Variants in JDP2 observed in about 807,000 individuals in gnomAD.
JDP2 encodes progesterone receptor co-activator.
In JDP2, 9 loss-of-function variants were observed where a neutral mutation model predicts 17.1. The observed-to-expected ratio is 0.53, with a 90% CI of 0.32 to 0.92. The LOEUF (loss-of-function observed/expected upper bound fraction) is 0.92, where lower values mean the gene tolerates loss of function less well. Among genes scored for constraint, JDP2 ranks in the 40% least tolerant of loss-of-function variants. The pLI, the probability that JDP2 is intolerant of heterozygous loss-of-function variation, is 0.04. For missense variants in JDP2, 179 were observed against 220.0 expected (o/e 0.81, Z 1.18); for synonymous variants, 107 against 95.6 (o/e 1.12, Z -0.69).
At chr14:75,432,668 C>T (rs570343843) in intron 1 of JDP2, among the ~76,000 whole-genome samples, 13 of 152,306 alleles carry the variant, frequency 8.5e-5, no homozygotes, top group South Asian at 8.3e-4. Flanking sequence ...GCTGCTGGCC[C>T]GGAGGGGAGC....
intron 3 of JDP2, among the ~76,000 whole-genome samples, chr14:75,468,508 A>T (rs931226200): frequency 6.6e-6 from 1 of 152,180 alleles, no homozygotes; most frequent in African/African-American, 2.4e-5. Context: ...CCCATCTCCC[A>T]TCTACACGAT....
chr14:75,457,909 C>T (rs190109230), intron 2 of JDP2, among the ~76,000 whole-genome samples: 5 of 152,356 alleles, frequency 3.3e-5, no homozygotes, highest in South Asian at 2.1e-4. Context: ...CAGATGCAAA[C>T]GGGTGATAAG....
At chr14:75,465,392 C>T (rs551582539) in intron 3 of JDP2, among the ~76,000 whole-genome samples, 2 of 152,306 alleles carry the variant, frequency 1.3e-5, no homozygotes, top group Non-Finnish European at 2.9e-5. Context: ...AGTGCAGTAG[C>T]ATAGTCATAG....
intron 3 of JDP2, among the ~76,000 whole-genome samples, chr14:75,464,168 G>T (rs191861813): frequency 6.6e-5 from 10 of 152,322 alleles, no homozygotes; most frequent in Non-Finnish European, 1.2e-4. Flanking sequence ...GAAGTTTAGG[G>T]CATGAATGCA....
rs2140025777 is a variant in JDP2, at chr14:75,428,748, C to T, written c.-24+496C>T. 1 of 152,458 alleles carries T rather than the reference C, an allele frequency of 6.6e-6. No homozygotes were observed. Among genetic ancestry groups the T allele is most frequent in the African/African-American group, 2.4e-5 (1 of 41,560 alleles). 9.4% of individuals were successfully genotyped at this position (152,458 alleles called of 1,614,324 possible). On this transcript the variant is annotated intron_variant, in intron 1 of 3. Coordinates refer to ENST00000651602, the MANE Select transcript of JDP2 (RefSeq NM_001135048.2). This position sits in a 1 kb window ranked among gnomAD's most constrained non-coding sequence, Gnocchi z 5.6. ...CTCCTGGCAGTGAGGAAGCGCGACT[C>T]CCGGAGGACCCGGACCCGGAGGAGA...
intron 2 of JDP2, among the ~76,000 whole-genome samples, chr14:75,453,078 T>C (rs1885939668): frequency 6.6e-6 from 1 of 151,030 alleles, no homozygotes; most frequent in Non-Finnish European, 1.5e-5. Context: ...GTTTCCTCAT[T>C]CCTCCCTCCT....
intron 2 of JDP2, among the ~76,000 whole-genome samples, chr14:75,454,973 C>T (rs1594966607): frequency 6.6e-6 from 1 of 151,952 alleles, no homozygotes; most frequent in Non-Finnish European, 1.5e-5. Flanking sequence ...CCACTGCAGC[C>T]GTCCAGTGCA....
At chr14:75,431,419 A>C (rs1213672826) in intron 1 of JDP2, among the ~76,000 whole-genome samples, 1 of 152,088 alleles carries the variant, frequency 6.6e-6, no homozygotes, top group African/African-American at 2.4e-5. Flanking sequence ...GCTTCTCTTG[A>C]ACCCAGCTAC....
chr14:75,461,879 G>A (rs186775230), intron 3 of JDP2, among the ~76,000 whole-genome samples: 13 of 152,322 alleles, frequency 8.5e-5, no homozygotes, highest in East Asian at 1.9e-4. Flanking sequence ...TACCAAAGTC[G>A]TCTAGGGTGG....
At chr14:75,451,677 G>T (rs1296890597) in intron 2 of JDP2, among the ~76,000 whole-genome samples, 1 of 152,200 alleles carries the variant, frequency 6.6e-6, no homozygotes, top group Non-Finnish European at 1.5e-5. Context: ...GGATGGGCAG[G>T]TGCAGGGGAG....
intron 3 of JDP2, among the ~76,000 whole-genome samples, chr14:75,464,654 T>C (rs544286252): frequency 2.2e-4 from 34 of 152,262 alleles, no homozygotes; most frequent in Non-Finnish European, 3.7e-4. Flanking sequence ...ATATATGTCA[T>C]AGGTAAAAAG....
intron 2 of JDP2, among the ~76,000 whole-genome samples, chr14:75,448,676 A>T (rs138157416): frequency 1.2e-3 from 176 of 152,332 alleles, no homozygotes; most frequent in African/African-American, 4.0e-3. Flanking sequence ...TGCCACGTCC[A>T]CGCCCTAAGG....
intron 1 of JDP2, among the ~76,000 whole-genome samples, chr14:75,433,592 G>A (rs1256234928): frequency 6.9e-6 from 1 of 144,664 alleles, no homozygotes; most frequent in Non-Finnish European, 1.5e-5. Context: ...GATCCATCTG[G>A]TCCCCATTTT....
chr14:75,463,941 GCA>G (rs1886454908), intron 3 of JDP2, among the ~76,000 whole-genome samples: 1 of 152,212 alleles, frequency 6.6e-6, no homozygotes, highest in Non-Finnish European at 1.5e-5. Flanking sequence ...GAGGGGAGAC[GCA>G]CACCTTCAAA....
In JDP2 at chr14:75,470,203, A is replaced by G. The variant is rs1286519767; in HGVS notation, c.*728A>G. The G allele has an allele frequency of 6.6e-6, 1 of 151,154 alleles. No individual in the cohort carries two copies. The highest frequency in any genetic ancestry group is 1.5e-5 in the Non-Finnish European group (1 of 67,778). The allele number at this position is 151,154 out of a possible 1,614,324, so 9.4% of individuals were successfully genotyped here. On this transcript the variant is annotated 3_prime_UTR_variant, in exon 4 of 4. Transcript: ENST00000651602. Reference sequence around the variant, plus strand: ...TTTTTTTTTTTTAATATTTTTTACAAAAAAAAAGATTTTATACAAGCAATA... The same window carrying G: ...TTTTTTTTTTTTAATATTTTTTACAGAAAAAAAGATTTTATACAAGCAATA...
At chr14:75,436,552 A>C (rs1885072726) in intron 1 of JDP2, among the ~76,000 whole-genome samples, 1 of 152,266 alleles carries the variant, frequency 6.6e-6, no homozygotes, top group Non-Finnish European at 1.5e-5. Flanking sequence ...GCAGTTTTGT[A>C]CTAACATGCT....
chr14:75,446,015 A>C (rs1360682963), intron 2 of JDP2, among the ~76,000 whole-genome samples: 1 of 152,324 alleles, frequency 6.6e-6, no homozygotes. Flanking sequence ...TAATTTCTCC[A>C]AAGAAAATAT....
At chr14:75,456,303 G>A (rs1886103608) in intron 2 of JDP2, among the ~76,000 whole-genome samples, 1 of 152,176 alleles carries the variant, frequency 6.6e-6, no homozygotes, top group African/African-American at 2.4e-5. Flanking sequence ...CTCTCCCTGT[G>A]GCACTGCCTC....
chr14:75,468,534 G>A (rs1002580759), intron 3 of JDP2, among the ~76,000 whole-genome samples: 8 of 152,012 alleles, frequency 5.3e-5, no homozygotes, highest in African/African-American at 1.9e-4. Context: ...TGTAACCCTC[G>A]CCACCTCCCG....
Sources: allele counts gnomAD v4.1 joint callset (sites outside exome capture counted in the v4.1 genomes callset), GRCh38; gene constraint gnomAD v4.1.1; non-coding constraint Gnocchi (gnomAD v3.1); transcripts MANE v1.5; gene names NCBI Gene and HGNC (gene_info 2026-07-23, HGNC 2026-07-21).